GOLM1: variants seen among roughly 807,000 people sequenced by gnomAD.
The protein encoded by GOLM1 is epididymis luminal protein 46.
A neutral mutation model predicts 50.5 loss-of-function variants in GOLM1; 31 were observed. That is an observed-to-expected ratio of 0.61 (90% CI 0.46 to 0.83). GOLM1 has a LOEUF of 0.83. GOLM1 is among the 40% of genes least tolerant of loss of function. GOLM1 has a pLI of 0.00. For missense variants in GOLM1, 491 were observed against 501.3 expected (o/e 0.98, Z 0.20); for synonymous variants, 178 against 192.8 (o/e 0.92, Z 0.64).
At chr9:86,031,959 A>T (rs916114807) in intron 9 of GOLM1, among the ~76,000 whole-genome samples, 1 of 149,812 alleles carries the variant, frequency 6.7e-6, no homozygotes, top group Admixed American at 6.7e-5. Flanking sequence ...AAGACGCCAG[A>T]CATGACGTGC....
At chr9:86,080,455 C>G (rs1834750904) in intron 1 of GOLM1, among the ~76,000 whole-genome samples, 1 of 152,086 alleles carries the variant, frequency 6.6e-6, no homozygotes, top group South Asian at 2.1e-4. Flanking sequence ...CCAGGGGTGT[C>G]TAGCAACAGA....
chr9:86,040,781 T>C lies in GOLM1; in HGVS notation c.555A>G (p.Val185=), dbSNP rs1385734543. 1.2e-6 allele frequency: 2 copies of C among 1,614,090 alleles called. No homozygotes were observed. The highest frequency in any genetic ancestry group is 8.5e-7 in the Non-Finnish European group (1 of 1,179,904). ...TGTTTTCACTCAGGTCTCTGGAAGC[T>C]ACAGCTTCATTCCCCTTTTTGGTGA... is the stretch of plus-strand genomic sequence containing the variant. ...EEVTKKGNEA[V]ASRDLSENND... The change falls in exon 6 of 10, where the codon GTA becomes GTG. Residue 185 remains valine (V), a synonymous_variant. Transcript: ENST00000388712.
At chr9:86,056,767 G>GTT (rs1461652016) in intron 3 of GOLM1, among the ~76,000 whole-genome samples, 3 of 151,914 alleles carry the variant, frequency 2.0e-5, no homozygotes, top group Non-Finnish European at 2.9e-5. Flanking sequence ...GCCTCTCAAA[G>GTT]TGCTGGGATT....
At chr9:86,047,298 CGGACACAGCCAGGACAGACAGGCCA>C (rs1833579965) in intron 4 of GOLM1, among the ~76,000 whole-genome samples, 1 of 152,196 alleles carries the variant, frequency 6.6e-6, no homozygotes, top group South Asian at 2.1e-4. Flanking sequence ...CAGCCAGGCC[CGGACACAGCCAGGACAGACAGGCCA>C]GGACAGATGC....
chr9:86,026,903 AC>A lies in GOLM1; in HGVS notation c.*913del. 1 of 984,644 alleles carries A rather than the reference AC, an allele frequency of 1.0e-6. No individual in the cohort carries two copies. The highest frequency in any genetic ancestry group is 1.2e-6 in the Non-Finnish European group (1 of 829,296). The allele number at this position is 984,644 out of a possible 1,614,324, so 61.0% of individuals were successfully genotyped here. ...TTTCTAACACTGTATATATCCTTCG[AC>A]ATCAATGAACTTTGTTTTCTTTTAC... is the stretch of plus-strand genomic sequence containing the variant. On this transcript the variant is annotated 3_prime_UTR_variant, in exon 10 of 10. Transcript: ENST00000388712.
At chr9:86,065,611 C>A (rs188924767) in intron 3 of GOLM1, among the ~76,000 whole-genome samples, 107 of 152,284 alleles carry the variant, frequency 7.0e-4, no homozygotes, top group African/African-American at 2.5e-3. Flanking sequence ...GCAGACCTGG[C>A]AGCCCCCGGC....
chr9:86,068,966 CAAT>C (rs1014373549), intron 3 of GOLM1, among the ~76,000 whole-genome samples: 11 of 138,688 alleles, frequency 7.9e-5, no homozygotes, highest in Admixed American at 3.5e-4. Flanking sequence ...AATAAGCCAA[CAAT>C]GTCTGGGTTT....
At position 86,027,547 on chromosome 9, in the gene GOLM1, A is replaced by T; in HGVS notation, c.*270T>A. On this transcript the variant is annotated 3_prime_UTR_variant, in exon 10 of 10. Transcript: ENST00000388712. ...TGTCGCCAACACTTGAAGGAGAACT[A>T]TGTTCCAGTTTTGGTGTTGAACTTC... The T allele has an allele frequency of 1.6e-6, 2 of 1,244,658 alleles. No individual in the cohort carries two copies. The allele number at this position is 1,244,658 out of a possible 1,614,324, so 77.1% of individuals were successfully genotyped here.
intron 9 of GOLM1, among the ~76,000 whole-genome samples, chr9:86,028,739 C>T (rs903181631): frequency 6.6e-6 from 1 of 152,206 alleles, no homozygotes; most frequent in South Asian, 2.1e-4. Flanking sequence ...CCATCCTCCC[C>T]ACAACCTGTC....
chr9:86,056,154 A>G (rs189825133), intron 3 of GOLM1, among the ~76,000 whole-genome samples: 1 of 152,088 alleles, frequency 6.6e-6, no homozygotes, highest in African/African-American at 2.4e-5. Flanking sequence ...CCCAAATCAC[A>G]TTAGTGCTTA....
intron 1 of GOLM1, among the ~76,000 whole-genome samples, chr9:86,080,492 AG>A (rs1834751688): frequency 6.6e-6 from 1 of 152,164 alleles, no homozygotes; most frequent in South Asian, 2.1e-4. Context: ...TGGGCAAAAA[AG>A]ACAAGGGACG....
rs1276980708 is a variant in GOLM1, at chr9:86,035,866, C to CAAAAAAAAAAAAAAAAAAAAAAAAAAAAA, written c.758-242_758-241insTTTTTTTTTTTTTTTTTTTTTTTTTTTTT. Reference sequence around the variant, plus strand: ...CGCGACAAAGGGAAAAGTAGCTTACCAAAAAAAAAAACAAAACAAAAAAAA... The same window carrying CAAAAAAAAAAAAAAAAAAAAAAAAAAAAA: ...CGCGACAAAGGGAAAAGTAGCTTACCAAAAAAAAAAAAAAAAAAAAAAAAAAAAAAAAAAAAAAAACAAAACAAAAAAAA... On this transcript the variant is annotated intron_variant, in intron 7 of 9. Transcript: ENST00000388712. Among the ~76,000 whole-genome samples the CAAAAAAAAAAAAAAAAAAAAAAAAAAAAA allele has an allele frequency of 6.4e-5, 3 of 46,738 alleles. 1 individual carries two copies. The highest frequency in any genetic ancestry group is 7.2e-4 in the South Asian group (1 of 1,398). The allele number at this position is 46,738 out of a possible 152,430, so 30.7% of individuals were successfully genotyped here.
In GOLM1 at chr9:86,026,185, C is replaced by T. The variant is rs988228824; in HGVS notation, c.*1632G>A. 13 of 981,040 alleles carry T rather than the reference C, an allele frequency of 1.3e-5. No homozygotes were observed. The highest frequency in any genetic ancestry group is 1.7e-5 in the African/African-American group (1 of 57,228). The allele number at this position is 981,040 out of a possible 1,614,324, so 60.8% of individuals were successfully genotyped here. On this transcript the variant is annotated 3_prime_UTR_variant, in exon 10 of 10. Coordinates refer to ENST00000388712, the MANE Select transcript of GOLM1 (RefSeq NM_016548.4). ...CATTTTATTTCTCAGCAATTCTATG[C>T]GTACAAATTAAACATGAGATGAATA... is the stretch of plus-strand genomic sequence containing the variant.
At chr9:86,028,872 G>A (rs1272379859) in intron 9 of GOLM1, among the ~76,000 whole-genome samples, 22 of 139,992 alleles carry the variant, frequency 1.6e-4, no homozygotes, top group East Asian at 8.2e-4. Flanking sequence ...TTTTTGAGAC[G>A]GAGTCTGGCT....
At chr9:86,086,841 T>C (rs1834988112) in intron 1 of GOLM1, among the ~76,000 whole-genome samples, 1 of 152,158 alleles carries the variant, frequency 6.6e-6, no homozygotes, top group African/African-American at 2.4e-5. Context: ...TACCATGCTG[T>C]TTTGGTTACT....
At chr9:86,036,152 G>A (rs997206103) in intron 7 of GOLM1, among the ~76,000 whole-genome samples, 196 bp downstream of exon 7, 1 of 152,064 alleles carries the variant, frequency 6.6e-6, no homozygotes. Flanking sequence ...CCAGGAACAA[G>A]GCACTTCGTT....
At chr9:86,072,784 C>A (rs991722350) in intron 3 of GOLM1, among the ~76,000 whole-genome samples, 2 of 152,172 alleles carry the variant, frequency 1.3e-5, no homozygotes. Context: ...TGCACTTATA[C>A]AAACCTGGAT....
intron 3 of GOLM1, among the ~76,000 whole-genome samples, chr9:86,058,732 C>CTGT (rs1834063454): frequency 6.7e-6 from 1 of 149,076 alleles, no homozygotes; most frequent in South Asian, 2.1e-4. Context: ...CGAGGTGGCT[C>CTGT]ACGCCTGTAA....
intron 1 of GOLM1, among the ~76,000 whole-genome samples, chr9:86,092,556 C>T (rs1189608536): frequency 6.6e-6 from 1 of 152,222 alleles, no homozygotes; most frequent in South Asian, 2.1e-4. Context: ...TCACCCAGTG[C>T]TTGGCTGGCC....
Sources: gnomAD v4.1 joint callset for allele counts (sites outside exome capture counted in the v4.1 genomes callset) on GRCh38, gnomAD v4.1.1 for gene constraint, MANE v1.5 for transcripts, NCBI Gene and HGNC (gene_info 2026-07-23, HGNC 2026-07-21) for gene names.